The following CPXM2 variants were observed in gnomAD, a reference collection of about 807,000 sequenced individuals.
CPXM2 encodes inactive carboxypeptidase-like protein X2.
Under a neutral mutation model 86.1 loss-of-function variants are expected in CPXM2, and 66 were observed. The ratio of observed to expected loss-of-function variants is 0.77; its 90% CI spans 0.63 to 0.94. The LOEUF (loss-of-function observed/expected upper bound fraction) is 0.94. CPXM2 is among the 40% of genes least tolerant of loss of function. The probability of loss-of-function intolerance (pLI) is 0.00; values close to 1 mark genes in which losing one functional copy is unlikely to be tolerated. For missense variants in CPXM2, 948 were observed against 1,026.3 expected (o/e 0.92, Z 1.04); for synonymous variants, 388 against 400.2 (o/e 0.97, Z 0.36).
chr10:123,788,788 G>A (rs1039974831), intron 6 of CPXM2, among the ~76,000 whole-genome samples: 6 of 151,944 alleles, frequency 3.9e-5, no homozygotes, highest in African/African-American at 9.7e-5. Flanking sequence ...GAGAGAGCTG[G>A]GGCTTGCACA....
chr10:123,841,451 A>T (rs74369026), intron 4 of CPXM2, among the ~76,000 whole-genome samples: 1 of 152,178 alleles, frequency 6.6e-6, no homozygotes, highest in East Asian at 1.9e-4. Flanking sequence ...GCAACCATCT[A>T]TCTCCAGAAC....
intron 4 of CPXM2, among the ~76,000 whole-genome samples, chr10:123,810,478 A>G (rs1202022575): frequency 6.6e-6 from 1 of 152,112 alleles, no homozygotes; most frequent in Non-Finnish European, 1.5e-5. Flanking sequence ...TTATCAAACT[A>G]TGTAATTATC....
At chr10:123,910,520 TC>T (rs1945479928) in intron 2 of CPXM2, among the ~76,000 whole-genome samples, 1 of 152,238 alleles carries the variant, frequency 6.6e-6, no homozygotes, top group African/African-American at 2.4e-5. Flanking sequence ...TTTCTTCACT[TC>T]CCGTCAGCAA....
intron 2 of CPXM2, among the ~76,000 whole-genome samples, chr10:123,872,211 A>T (rs1278763395): frequency 1.3e-5 from 2 of 152,202 alleles, no homozygotes; most frequent in African/African-American, 2.4e-5. Context: ...TCATATATAC[A>T]CCAAAAGACT....
At chr10:123,796,837 G>A (rs1473421735) in intron 6 of CPXM2, among the ~76,000 whole-genome samples, 7 of 152,180 alleles carry the variant, frequency 4.6e-5, no homozygotes, top group East Asian at 1.9e-4. Flanking sequence ...GATGAGTGAC[G>A]ACTGTGCCCC....
At chr10:123,814,913 T>G (rs1455833331) in intron 4 of CPXM2, among the ~76,000 whole-genome samples, 2 of 152,264 alleles carry the variant, frequency 1.3e-5, no homozygotes, top group East Asian at 3.9e-4. Flanking sequence ...TAGTCCCAGC[T>G]ACTCGGCAGG....
chr10:123,792,993 C>T (rs1186675483), intron 6 of CPXM2, among the ~76,000 whole-genome samples: 1 of 152,182 alleles, frequency 6.6e-6, no homozygotes, highest in African/African-American at 2.4e-5. Flanking sequence ...TGGGATTTCC[C>T]TTAGGACTGT....
At chr10:123,800,985 A>G (rs919447638) in intron 4 of CPXM2, among the ~76,000 whole-genome samples, 1 of 152,180 alleles carries the variant, frequency 6.6e-6, no homozygotes, top group African/African-American at 2.4e-5. Flanking sequence ...CTCTGACGTG[A>G]CAGTCCACCA....
chr10:123,789,020 C>A (rs1425703275), intron 6 of CPXM2, among the ~76,000 whole-genome samples: 1 of 152,090 alleles, frequency 6.6e-6, no homozygotes, highest in African/African-American at 2.4e-5. Context: ...GCCATTGTGG[C>A]CTTGTGACCT....
At chr10:123,927,846 T>C (rs920331736) in intron 2 of CPXM2, among the ~76,000 whole-genome samples, 6 of 152,250 alleles carry the variant, frequency 3.9e-5, no homozygotes, top group African/African-American at 1.4e-4. Context: ...GTTAGCAAGA[T>C]ATCCAATCTC....
rs1848403492 is a variant in CPXM2 at position 123,842,360 on chromosome 10, G to A, written c.642C>T (p.Asn214=). 6.2e-7 allele frequency: 1 copy of A among 1,614,264 alleles called. No homozygotes were observed. Among genetic ancestry groups the A allele is most frequent in the African/African-American group, 1.3e-5 (1 of 75,076 alleles). Residue 214 remains asparagine (N), a synonymous_variant, in exon 4 of 14, where the codon AAC becomes AAT. Coordinates refer to ENST00000241305, the MANE Select transcript of CPXM2 (RefSeq NM_198148.3). ...CCAGGTACACTCACAGCCAGAGGGA[G>A]TTCCTCCCTTGAGTGATGACACCAG... is the stretch of plus-strand genomic sequence containing the variant. ...RFTGVITQGR[N]SLWLSDWVTS...
intron 4 of CPXM2, among the ~76,000 whole-genome samples, chr10:123,806,141 G>T (rs1847574099): frequency 6.6e-6 from 1 of 152,044 alleles, no homozygotes; most frequent in African/African-American, 2.4e-5. Context: ...GAGCGCCTTT[G>T]CTATTTCTTT....
intron 2 of CPXM2, among the ~76,000 whole-genome samples, chr10:123,921,280 A>AT (rs34575158): frequency 4.0e-5 from 6 of 151,806 alleles, no homozygotes; most frequent in South Asian, 2.1e-4. Context: ...TCATAAGACA[A>AT]TTTTTTTTTA....
chr10:123,862,257 G>T (rs1212290539), intron 3 of CPXM2, among the ~76,000 whole-genome samples: 8 of 152,202 alleles, frequency 5.3e-5, no homozygotes, highest in Admixed American at 5.2e-4. Flanking sequence ...GAAGACAAAT[G>T]CCACTGCCTC....
chr10:123,918,836 G>C (rs988903844), intron 2 of CPXM2, among the ~76,000 whole-genome samples: 1 of 152,156 alleles, frequency 6.6e-6, no homozygotes, highest in Non-Finnish European at 1.5e-5. Context: ...GTGGTCCAAA[G>C]AGTGAGGTGG....
At chr10:123,849,197 G>GT (rs975173697) in intron 3 of CPXM2, among the ~76,000 whole-genome samples, 1 of 151,958 alleles carries the variant, frequency 6.6e-6, no homozygotes, top group Non-Finnish European at 1.5e-5. Flanking sequence ...TGTTTTTTGT[G>GT]TTTTTTGCTT....
chr10:123,869,388 T>A (rs1944854523), intron 2 of CPXM2, among the ~76,000 whole-genome samples: 1 of 152,170 alleles, frequency 6.6e-6, no homozygotes. Context: ...TAAATCAAGT[T>A]TCTGTTGCTT....
chr10:123,745,855 T>C lies in CPXM2; in HGVS notation c.*909A>G, dbSNP rs1326346116. On this transcript the variant is annotated 3_prime_UTR_variant, in exon 14 of 14. Transcript: ENST00000241305. The stretch of plus-strand genomic sequence containing the variant: ...ATCAAAAATAACTCCCAGGCTGATA[T>C]GAGGCCAACCCATGAGCACTCAATT... The C allele has an allele frequency of 2.0e-5, 3 of 152,004 alleles. No homozygotes were observed. Among genetic ancestry groups the C allele is most frequent in the Non-Finnish European group, 4.4e-5 (3 of 68,018 alleles). 9.4% of individuals were successfully genotyped at this position (152,004 alleles called of 1,614,324 possible). A position where few individuals can be genotyped will look rare whatever the true frequency, so the allele number is the denominator to read the frequency against.
intron 4 of CPXM2, among the ~76,000 whole-genome samples, chr10:123,836,230 C>T (rs967173238): frequency 1.3e-5 from 2 of 152,116 alleles, no homozygotes; most frequent in African/African-American, 4.8e-5. Flanking sequence ...GCCCCTTGAA[C>T]CCTGACCCCA....
Sources: gnomAD v4.1 joint callset for allele counts (sites outside exome capture counted in the v4.1 genomes callset) on GRCh38, gnomAD v4.1.1 for gene constraint, MANE v1.5 for transcripts, NCBI Gene and HGNC (gene_info 2026-07-23, HGNC 2026-07-21) for gene names.